RANBP3: variants seen among roughly 807,000 people sequenced by gnomAD.
RANBP3 encodes the protein RAN binding protein 3, also known as ran-binding protein 3.
Under a neutral mutation model 77.3 loss-of-function variants are expected in RANBP3, and 14 were observed. The observed-to-expected ratio is 0.18, with a 90% CI of 0.12 to 0.28. RANBP3 has a LOEUF of 0.28. RANBP3 is among the 10% of genes least tolerant of loss of function. The pLI is 1.00. For missense variants in RANBP3, 586 were observed against 752.3 expected (o/e 0.78, Z 2.59); for synonymous variants, 315 against 312.4 (o/e 1.01, Z -0.09).
Position 5,962,128 on chromosome 19 carries a change from G to C in RANBP3, c.23-4155C>G, listed in dbSNP as rs551163251. On this transcript the variant is annotated intron_variant, in intron 1 of 16. Coordinates refer to ENST00000340578, the MANE Select transcript of RANBP3 (RefSeq NM_007322.3). ...AACAGCCTATCACCCAGCGTACACC[G>C]CATCAACACCCTGCAATGAGTGTTT... 1.2e-4 allele frequency among the ~76,000 whole-genome samples: 18 copies of C among 151,976 alleles called. No individual in the cohort carries two copies. In the South Asian group the frequency reaches 3.3e-3, roughly 28 times the overall value.
chr19:5,932,738 T>G (rs751144084), intron 6 of RANBP3, 194 bp from the exon 7 acceptor site: 1 of 577,500 alleles, frequency 1.7e-6, no homozygotes, highest in Non-Finnish European at 3.1e-6. Flanking sequence ...TTACATGTGA[T>G]TACATGAAAC....
At chr19:5,976,012 G>A (rs541591064) in intron 1 of RANBP3, among the ~76,000 whole-genome samples, 5 of 152,094 alleles carry the variant, frequency 3.3e-5, no homozygotes, top group South Asian at 2.1e-4. Context: ...TGGAGGGAAC[G>A]GGGGCTAAGC....
rs376900841 is a variant in RANBP3 at position 5,922,955 on chromosome 19, A to G, written c.1209+239T>C. Reference sequence around the variant, plus strand: ...ACATTGTCTCAAAAAAAATTAAAACAAAACAAAGAATGTCTCAAACAGATC... The same window carrying G: ...ACATTGTCTCAAAAAAAATTAAAACGAAACAAAGAATGTCTCAAACAGATC... On this transcript the variant is annotated intron_variant, in intron 13 of 16. Transcript: ENST00000340578. Among the ~76,000 whole-genome samples the G allele has an allele frequency of 5.3e-5, 8 of 152,332 alleles. 1 individual carries two copies. Among genetic ancestry groups the G allele is most frequent in the East Asian group, 1.9e-4 (1 of 5,182 alleles).
chr19:5,921,342 G>C lies in RANBP3; in HGVS notation c.1210-21C>G. On this transcript the variant is annotated intron_variant, in intron 13 of 16. Coordinates refer to ENST00000340578, the MANE Select transcript of RANBP3 (RefSeq NM_007322.3). This position sits in a 1 kb window ranked among gnomAD's most constrained non-coding sequence, Gnocchi z 5.3. ...TGCATCTGGAACACAGTGGCCGCCGGTAAGCAGGGACCCCAGCTGGTGTCC... is the reference window on the plus strand; with the variant it reads ...TGCATCTGGAACACAGTGGCCGCCGCTAAGCAGGGACCCCAGCTGGTGTCC... 6.2e-7 allele frequency: 1 copy of C among 1,612,088 alleles called. No individual in the cohort carries two copies. The highest frequency in any genetic ancestry group is 8.5e-7 in the Non-Finnish European group (1 of 1,179,106).
intron 8 of RANBP3, among the ~76,000 whole-genome samples, chr19:5,930,867 C>A (rs1453360027): frequency 6.6e-6 from 1 of 152,124 alleles, no homozygotes; most frequent in Non-Finnish European, 1.5e-5. Context: ...CCGTGTCCGG[C>A]CTAAACAAAC....
In RANBP3 at chr19:5,916,396, G is replaced by A. The variant is rs2144989426; in HGVS notation, c.*1214C>T. On this transcript the variant is annotated 3_prime_UTR_variant, in exon 17 of 17. Coordinates refer to ENST00000340578, the MANE Select transcript of RANBP3 (RefSeq NM_007322.3). ...GCAGGAGGCCTTCTCTTAACCCTCC[G>A]AGAGTGGGACTGGGAGATTTCCTCT... 1 of 152,320 alleles carries A rather than the reference G, an allele frequency of 6.6e-6. No individual in the cohort carries two copies. The highest frequency in any genetic ancestry group is 3.4e-3 in the Middle Eastern group (1 of 296). 9.4% of individuals were successfully genotyped at this position (152,320 alleles called of 1,614,324 possible).
intron 5 of RANBP3, among the ~76,000 whole-genome samples, chr19:5,939,122 T>C (rs552969874): frequency 2.6e-5 from 4 of 152,146 alleles, no homozygotes; most frequent in African/African-American, 9.6e-5. Flanking sequence ...GAGGCGGAGG[T>C]TGCAGTGAGT....
chr19:5,918,504 G>A lies in RANBP3; in HGVS notation c.1465C>T (p.Leu489=). The change falls in exon 15 of 17, where the codon CTG becomes TTG. Residue 489 remains leucine, a synonymous_variant. Transcript: ENST00000340578. ...CCGCGTGGCTGGCTCACCGAGATCA[G>A]GAAGACCTTCACGCCCTGGTCCTCG... ...DTEDQGVKVF[L]ISASSKDTGQ... 6.2e-7 allele frequency: 1 copy of A among 1,611,440 alleles called. No homozygotes were observed. Among genetic ancestry groups the A allele is most frequent in the South Asian group, 1.1e-5 (1 of 90,936 alleles).
intron 3 of RANBP3, among the ~76,000 whole-genome samples, chr19:5,949,258 C>T (rs8108471): frequency 0.021 from 3,169 of 152,306 alleles, 111 homozygotes; most frequent in African/African-American, 0.073. Context: ...TTCACACACA[C>T]GAAAAAGGCT....
Position 5,924,926 on chromosome 19 carries a change from G to C in RANBP3, c.918-21C>G. 6.2e-7 allele frequency: 1 copy of C among 1,605,830 alleles called. No individual in the cohort carries two copies. Among genetic ancestry groups the C allele is most frequent in the Non-Finnish European group, 8.5e-7 (1 of 1,172,414 alleles). On this transcript the variant is annotated intron_variant, in intron 10 of 16. Coordinates refer to ENST00000340578, the MANE Select transcript of RANBP3 (RefSeq NM_007322.3). The surrounding 1 kb of genome is among the most constrained non-coding windows in gnomAD (Gnocchi z 4.7). ...CTAAACTGAAGAGAAGATGTGCAAT[G>C]AGTGTGGGGCGTCACGTGGGAACGT...
intron 1 of RANBP3, among the ~76,000 whole-genome samples, chr19:5,962,518 A>ATGC (rs2058416392): frequency 6.6e-6 from 1 of 152,160 alleles, no homozygotes; most frequent in African/African-American, 2.4e-5. Context: ...GAAATGTCAC[A>ATGC]CGCCGCAAGG....
chr19:5,949,788 T>TGA (rs2058252283), intron 3 of RANBP3, among the ~76,000 whole-genome samples: 1 of 152,164 alleles, frequency 6.6e-6, no homozygotes, highest in Non-Finnish European at 1.5e-5. Flanking sequence ...GATGAACATG[T>TGA]GGACGAGGTG....
intron 5 of RANBP3, among the ~76,000 whole-genome samples, chr19:5,941,303 T>C (rs1179682449): frequency 6.6e-6 from 1 of 152,144 alleles, no homozygotes; most frequent in Non-Finnish European, 1.5e-5. Flanking sequence ...AAAGAGGAGA[T>C]GTAATTAACA....
At chr19:5,918,752 A>G in intron 14 of RANBP3, 114 bp from the exon 15 acceptor site, 1 of 1,358,574 alleles carries the variant, frequency 7.4e-7, no homozygotes, top group South Asian at 1.3e-5. Context: ...GCAAAAGCCC[A>G]TGATCCTCCC....
At chr19:5,970,628 C>T (rs1480982811) in intron 1 of RANBP3, among the ~76,000 whole-genome samples, 1 of 152,104 alleles carries the variant, frequency 6.6e-6, no homozygotes, top group Non-Finnish European at 1.5e-5. Flanking sequence ...AAGATGGCCA[C>T]CACCAGCCCC....
intron 8 of RANBP3, among the ~76,000 whole-genome samples, chr19:5,929,024 G>A (rs1231752179): frequency 6.6e-6 from 1 of 152,200 alleles, no homozygotes; most frequent in African/African-American, 2.4e-5. Context: ...TGAACTCGGA[G>A]GTGAGAAAGG....
intron 3 of RANBP3, among the ~76,000 whole-genome samples, chr19:5,942,356 A>G (rs1296063949): frequency 2.6e-5 from 4 of 152,150 alleles, no homozygotes; most frequent in Admixed American, 1.3e-4. Context: ...TTTTGGACCA[A>G]AGCCCACTTG....
Position 5,926,058 on chromosome 19 carries a change from A to C in RANBP3, c.814-321T>G, listed in dbSNP as rs187005963. Reference sequence around the variant, plus strand: ...GTCAATGCTTCATACCAATAACACAACGTTACAAAGCTGACGTTTTGGGGG... The same window carrying C: ...GTCAATGCTTCATACCAATAACACACCGTTACAAAGCTGACGTTTTGGGGG... On this transcript the variant is annotated intron_variant, in intron 9 of 16. Transcript: ENST00000340578. Among the ~76,000 whole-genome samples the C allele has an allele frequency of 7.7e-4, 117 of 152,246 alleles. 2 individuals carry two copies. The East Asian group carries it at 0.017, about 22-fold the overall frequency.
chr19:5,921,754 G>A lies in RANBP3; in HGVS notation c.1210-433C>T, dbSNP rs968079169. ...CCCAAGAGAAATGGAACATTTGTTC[G>A]TGTTCACACACAGATCGCACATGAA... On this transcript the variant is annotated intron_variant, in intron 13 of 16. Coordinates refer to ENST00000340578, the MANE Select transcript of RANBP3 (RefSeq NM_007322.3). The surrounding 1 kb of genome is among the most constrained non-coding windows in gnomAD (Gnocchi z 5.3). 1.3e-5 allele frequency among the ~76,000 whole-genome samples: 2 copies of A among 152,194 alleles called. No individual in the cohort carries two copies. Among genetic ancestry groups the A allele is most frequent in the African/African-American group, 4.8e-5 (2 of 41,436 alleles).
Sources: allele counts gnomAD v4.1 joint callset (sites outside exome capture counted in the v4.1 genomes callset), GRCh38; gene constraint gnomAD v4.1.1; non-coding constraint Gnocchi (gnomAD v3.1); transcripts MANE v1.5; gene names NCBI Gene and HGNC (gene_info 2026-07-23, HGNC 2026-07-21).